The following FEZ2 variants were observed in gnomAD, a reference collection of about 807,000 sequenced individuals.
FEZ2 encodes fasciculation and elongation protein zeta 2, also known as fasciculation and elongation protein zeta-2.
Under a neutral mutation model 40.4 loss-of-function variants are expected in FEZ2, and 51 were observed. The ratio of observed to expected loss-of-function variants is 1.26; its 90% confidence interval spans 1.01 to 1.59. The LOEUF is 1.59. Among genes scored for constraint, FEZ2 ranks in the 40% most tolerant of loss-of-function variants. FEZ2 has a pLI of 0.00. For missense variants in FEZ2, 640 were observed against 438.3 expected (o/e 1.46, Z -4.11); for synonymous variants, 242 against 172.0 (o/e 1.41, Z -3.18).
intron 5 of FEZ2, among the ~76,000 whole-genome samples, chr2:36,575,976 A>G (rs1668558359): frequency 6.6e-6 from 1 of 152,354 alleles, no homozygotes; most frequent in East Asian, 1.9e-4. Context: ...CAGGAGAAAA[A>G]AAAAAGTGAC....
intron 5 of FEZ2, among the ~76,000 whole-genome samples, chr2:36,570,881 G>C (rs1295613331): frequency 1.3e-5 from 2 of 152,132 alleles, no homozygotes; most frequent in Non-Finnish European, 2.9e-5. Flanking sequence ...ATCACTATGT[G>C]GCACAAGACT....
intron 1 of FEZ2, chr2:36,594,587 C>T (rs998722037): frequency 6.5e-6 from 1 of 153,144 alleles, no homozygotes; most frequent in South Asian, 2.0e-4. Flanking sequence ...AGACCAGCCC[C>T]CATGATTCAA....
At chr2:36,575,206 T>G (rs1008728987) in intron 5 of FEZ2, among the ~76,000 whole-genome samples, 1 of 152,180 alleles carries the variant, frequency 6.6e-6, no homozygotes, top group East Asian at 1.9e-4. Flanking sequence ...GGTTTTTCTG[T>G]TTTTTGTTTG....
At chr2:36,579,049 T>C in intron 4 of FEZ2, 184 bp from the exon 5 acceptor site, 1 of 596,000 alleles carries the variant, frequency 1.7e-6, no homozygotes, top group Non-Finnish European at 2.9e-6. Flanking sequence ...CTTCTGGAGA[T>C]CAGATCTGAG....
At chr2:36,570,715 GC>G (rs1296479185) in intron 5 of FEZ2, among the ~76,000 whole-genome samples, 6 of 152,130 alleles carry the variant, frequency 3.9e-5, no homozygotes, top group Non-Finnish European at 8.8e-5. Flanking sequence ...AACCTATATA[GC>G]CTGTTACTGT....
intron 6 of FEZ2, 40 bp downstream of exon 6, chr2:36,558,398 A>G (rs892259719): frequency 2.3e-6 from 3 of 1,312,908 alleles, no homozygotes; most frequent in Admixed American, 5.0e-5. Flanking sequence ...CCAATCAGCA[A>G]AAGGAAATCA....
intron 5 of FEZ2, among the ~76,000 whole-genome samples, chr2:36,568,605 G>A (rs995917499): frequency 2.0e-5 from 3 of 152,120 alleles, no homozygotes; most frequent in Admixed American, 6.5e-5. Context: ...GCTATAAAAT[G>A]CCCCCTCTCA....
chr2:36,576,381 T>C (rs1266392324), intron 5 of FEZ2, among the ~76,000 whole-genome samples: 2 of 152,168 alleles, frequency 1.3e-5, no homozygotes, highest in Admixed American at 6.5e-5. Flanking sequence ...GCGATTCTCA[T>C]GCCTCAGCCT....
rs368450944 is a variant in FEZ2 at position 36,597,124 on chromosome 2, T to G, written c.266+753A>C. 1.3e-3 allele frequency among the ~76,000 whole-genome samples: 202 copies of G among 152,254 alleles called. 3 individuals are homozygous for G. The highest frequency in any genetic ancestry group is 4.7e-3 in the African/African-American group (196 of 41,554). ...GCAGGGCCCTTCGTTTTCGTCTCTGTGGCGGCTCGCACTCTACCAGGGCTC... is the reference window on the plus strand; with the variant it reads ...GCAGGGCCCTTCGTTTTCGTCTCTGGGGCGGCTCGCACTCTACCAGGGCTC... On this transcript the variant is annotated intron_variant, in intron 1 of 7. Coordinates refer to ENST00000405912, the MANE Select transcript of FEZ2 (RefSeq NM_005102.3).
In FEZ2 at chr2:36,578,716, C is replaced by G; in HGVS notation, c.784G>C (p.Val262Leu). 6.2e-7 allele frequency: 1 copy of G among 1,613,924 alleles called. No individual in the cohort carries two copies. Among genetic ancestry groups the G allele is most frequent in the Non-Finnish European group, 8.5e-7 (1 of 1,179,878 alleles). The part of the protein sequence containing the change: ...EKEVKNSFIS[V>L]LIEVQNKQKE... ...TGTTTGTTTTGCACTTCAATAAGAACAGAAATAAAGCTGTTTTTCACTTCC... is the reference window on the plus strand; with the variant it reads ...TGTTTGTTTTGCACTTCAATAAGAAGAGAAATAAAGCTGTTTTTCACTTCC... Residue 262 changes from valine to leucine, a missense_variant, in exon 5 of 8, where the codon GTT (valine) becomes CTT (leucine). Coordinates refer to ENST00000405912, the MANE Select transcript of FEZ2 (RefSeq NM_005102.3).
At chr2:36,587,236 A>G (rs116759998) in intron 2 of FEZ2, among the ~76,000 whole-genome samples, 1 of 152,370 alleles carries the variant, frequency 6.6e-6, no homozygotes, top group Non-Finnish European at 1.5e-5. Flanking sequence ...ATCCCAGATC[A>G]TCTTTCCAGA....
intron 7 of FEZ2, chr2:36,555,424 TCTA>T (rs1667931988): frequency 3.5e-6 from 1 of 281,726 alleles, no homozygotes. Flanking sequence ...CTAATTTTCT[TCTA>T]CTACCTCTCT....
chr2:36,581,229 T>C (rs2125235883), intron 4 of FEZ2, 61 bp downstream of exon 4: 3 of 1,445,090 alleles, frequency 2.1e-6, no homozygotes, highest in East Asian at 2.3e-5. Context: ...GAGATGATCA[T>C]ACTATACATT....
intron 2 of FEZ2, among the ~76,000 whole-genome samples, chr2:36,588,367 A>G (rs929339960): frequency 6.6e-6 from 1 of 152,110 alleles, no homozygotes; most frequent in South Asian, 2.1e-4. Flanking sequence ...ATTAAACTCT[A>G]CGTCATTACT....
Position 36,565,798 on chromosome 2 carries a change from G to A in FEZ2, c.904-7285C>T, listed in dbSNP as rs999512592. On this transcript the variant is annotated intron_variant, in intron 5 of 7. Transcript: ENST00000405912. Reference sequence around the variant, plus strand: ...TTTCCAGTCAGATCATTCTTGTCACGGGGGTCAGTGTAGTGGGGTGGGATC... The same window carrying A: ...TTTCCAGTCAGATCATTCTTGTCACAGGGGTCAGTGTAGTGGGGTGGGATC... Among the ~76,000 whole-genome samples the A allele has an allele frequency of 6.6e-5, 10 of 152,014 alleles. No homozygotes were observed. In the East Asian group the frequency reaches 1.3e-3, roughly 20 times the overall value.
chr2:36,570,267 C>A (rs191180898), intron 5 of FEZ2, among the ~76,000 whole-genome samples: 3 of 151,494 alleles, frequency 2.0e-5, no homozygotes, highest in Non-Finnish European at 4.4e-5. Flanking sequence ...TACATTATAC[C>A]AAAGCAGATA....
At chr2:36,563,514 GAA>G (rs1188646670) in intron 5 of FEZ2, among the ~76,000 whole-genome samples, 1 of 117,256 alleles carries the variant, frequency 8.5e-6, no homozygotes, top group African/African-American at 3.1e-5. Flanking sequence ...GGTTCTACAG[GAA>G]AAAAAAGAAA....
rs769818513 is a variant in FEZ2, at chr2:36,583,418, G to A, written c.427C>T (p.Gln143Ter). 48 of 1,609,884 alleles carry A rather than the reference G, an allele frequency of 3.0e-5. No individual in the cohort carries two copies. Among genetic ancestry groups the A allele is most frequent in the Non-Finnish European group, 4.1e-5 (48 of 1,176,356 alleles). The part of the protein sequence containing the change: ...DTSDDEELRE[Q>*]LDMHSIIVSC... The stretch of plus-strand genomic sequence containing the variant: ...ACGATGATTGAGTGCATATCCAGCT[G>A]TTCTCTCAGCTCTTCATCATCTGAT... The change falls in exon 3 of 8, where the codon CAG becomes TAG. Residue 143 changes from glutamine to a stop codon, truncating the protein, a stop_gained. Transcript: ENST00000405912. LOFTEE classifies it high-confidence loss of function.
intron 1 of FEZ2, among the ~76,000 whole-genome samples, chr2:36,594,033 C>G (rs1391251424): frequency 6.6e-6 from 1 of 151,980 alleles, no homozygotes; most frequent in Admixed American, 6.5e-5. Context: ...ATCTCTAGGG[C>G]AGGGGCAAAA....
Sources: gnomAD v4.1 joint callset for allele counts (sites outside exome capture counted in the v4.1 genomes callset) on GRCh38, gnomAD v4.1.1 for gene constraint, MANE v1.5 for transcripts, NCBI Gene and HGNC (gene_info 2026-07-23, HGNC 2026-07-21) for gene names.